Variants in LCORL observed in about 807,000 individuals in gnomAD.
The protein encoded by LCORL is ligand-dependent nuclear receptor corepressor-like protein.
In LCORL, 41 loss-of-function variants were observed where a neutral mutation model predicts 141.8. The ratio of observed to expected loss-of-function variants is 0.29; its 90% confidence interval spans 0.23 to 0.38. The LOEUF is 0.38. Ranked by LOEUF, LCORL falls within the 10% of genes least tolerant of loss-of-function variation. The probability of loss-of-function intolerance (pLI) is 1.00; values close to 1 mark genes in which losing one functional copy is unlikely to be tolerated. For synonymous variants in LCORL, 618 were observed against 694.1 expected (o/e 0.89, Z 1.72); for missense variants, 1,759 against 2,035.0 (o/e 0.86, Z 2.61).
At chr4:17,961,602 A>G (rs1713797635) in intron 4 of LCORL, among the ~76,000 whole-genome samples, 2 of 152,026 alleles carry the variant, frequency 1.3e-5, no homozygotes, top group African/African-American at 4.8e-5. Flanking sequence ...CAGCAATACA[A>G]TAAGGAAGAC....
At chr4:17,972,345 A>G (rs1384208567) in intron 2 of LCORL, among the ~76,000 whole-genome samples, 1 of 151,866 alleles carries the variant, frequency 6.6e-6, no homozygotes, top group Non-Finnish European at 1.5e-5. Context: ...CTTCCTTCCC[A>G]ATATTCACGT....
intron 5 of LCORL, among the ~76,000 whole-genome samples, chr4:17,891,496 T>A (rs1367114888): frequency 1.3e-5 from 2 of 152,138 alleles, no homozygotes; most frequent in Non-Finnish European, 2.9e-5. Context: ...TACAATTTTT[T>A]AAAAACACTA....
At chr4:17,910,963 C>A (rs564711030) in intron 4 of LCORL, among the ~76,000 whole-genome samples, 2 of 152,284 alleles carry the variant, frequency 1.3e-5, no homozygotes, top group African/African-American at 4.8e-5. Flanking sequence ...AAGAGGGACA[C>A]TATTCGTTTT....
Position 17,955,450 on chromosome 4 carries a change from T to TAG in LCORL, c.430+6451_430+6452dup, listed in dbSNP as rs546724630. Among the ~76,000 whole-genome samples, 25 of 152,324 alleles carry TAG rather than the reference T, an allele frequency of 1.6e-4. No individual in the cohort carries two copies. In the East Asian group the frequency reaches 4.8e-3, roughly 29 times the overall value. On this transcript the variant is annotated intron_variant, in intron 4 of 7. Coordinates refer to ENST00000635767, the Ensembl canonical transcript of LCORL. Reference sequence around the variant, plus strand: ...TTGTTACTAAACACCTACTGTGTGCTAGTTCTTGAAATATATTAGTTAACA... The same window carrying TAG: ...TTGTTACTAAACACCTACTGTGTGCTAGAGTTCTTGAAATATATTAGTTAACA...
chr4:17,883,969 G>A (rs1727944554), intron 6 of LCORL: 1 of 1,550,648 alleles, frequency 6.4e-7, no homozygotes, highest in South Asian at 1.2e-5. Context: ...GCCGATAGCG[G>A]CCACGTTTTT....
chr4:17,866,925 G>A, intron 7 of LCORL: 1 of 883,306 alleles, frequency 1.1e-6, no homozygotes, highest in African/African-American at 1.8e-5. Context: ...CATGGTGTGA[G>A]GCATTGAAAC....
chr4:17,953,280 T>C (rs1351289652), intron 4 of LCORL, among the ~76,000 whole-genome samples: 1 of 152,200 alleles, frequency 6.6e-6, no homozygotes, highest in Non-Finnish European at 1.5e-5. Context: ...GATTGCTTGG[T>C]TGAATGGTAG....
Position 17,909,205 on chromosome 4 carries a change from T to C in LCORL, c.571A>G (p.Ile191Val), listed in dbSNP as rs1321492437. Residue 191 changes from isoleucine (I) to valine (V), a missense_variant, in exon 5 of 8, where the codon ATA (isoleucine) becomes GTA (valine). Physicochemically the swap from Ile to Val is conservative, Grantham distance 29. Around this residue, in one of 5 missense-constraint regions of LCORL, gnomAD observed 1,311 missense variants for 1,531.3 expected, o/e 0.86. Transcript: ENST00000635767. ...TTCATTTGGATACTTTTACATACTA[T>C]ACTTGGTCCAATTGAACCATTTCTA... 2 of 1,613,560 alleles carry C rather than the reference T, an allele frequency of 1.2e-6. No individual in the cohort carries two copies. The highest frequency in any genetic ancestry group is 1.3e-5 in the African/African-American group (1 of 74,900).
intron 5 of LCORL, among the ~76,000 whole-genome samples, chr4:17,895,865 T>C (rs1375569639): frequency 6.6e-6 from 1 of 152,242 alleles, no homozygotes; most frequent in Non-Finnish European, 1.5e-5. Flanking sequence ...TCATGTAGCA[T>C]GCATCAGTAC....
At chr4:17,957,860 C>T (rs1712989453) in intron 4 of LCORL, among the ~76,000 whole-genome samples, 1 of 151,912 alleles carries the variant, frequency 6.6e-6, no homozygotes, top group Non-Finnish European at 1.5e-5. Flanking sequence ...ACCACGATGA[C>T]ATCACAAAGG....
rs955790951 is a variant in LCORL at position 17,975,464 on chromosome 4, C to T, written c.155-2579G>A. On this transcript the variant is annotated intron_variant, in intron 1 of 7. Transcript: ENST00000635767. ...AGGCTGGAGTGCAGTGGCGTGATCT[C>T]GGCTCATTGCAACCTCCACCTCCTG... is the stretch of plus-strand genomic sequence containing the variant. Among the ~76,000 whole-genome samples, 19 of 151,726 alleles carry T rather than the reference C, an allele frequency of 1.3e-4. No homozygotes were observed. The South Asian group carries it at 1.7e-3, about 13-fold the overall frequency.
At chr4:18,008,957 T>C (rs538788577) in intron 1 of LCORL, among the ~76,000 whole-genome samples, 33 of 152,268 alleles carry the variant, frequency 2.2e-4, no homozygotes, top group African/African-American at 7.0e-4. Context: ...GTCTACATAA[T>C]GACCCACCAC....
chr4:18,021,451 G>A lies in LCORL; in HGVS notation c.154+147C>T. Reference sequence around the variant, plus strand: ...CCGCAAGACAAAAGGCGAGCGCCGGGGCCGCCGCGCCGCGCCGCTCCCATC... The same window carrying A: ...CCGCAAGACAAAAGGCGAGCGCCGGAGCCGCCGCGCCGCGCCGCTCCCATC... On this transcript the variant is annotated intron_variant, in intron 1 of 7. Transcript: ENST00000635767. The surrounding 1 kb of genome is among the most constrained non-coding windows in gnomAD (Gnocchi z 5.5). 3.1e-6 allele frequency: 2 copies of A among 639,664 alleles called. No homozygotes were observed. Among genetic ancestry groups the A allele is most frequent in the Non-Finnish European group, 4.9e-6 (2 of 410,162 alleles). 39.6% of individuals were successfully genotyped at this position (639,664 alleles called of 1,614,324 possible). A position where few individuals can be genotyped will look rare whatever the true frequency, so the allele number is the denominator to read the frequency against.
At chr4:17,876,124 A>G (rs1484418979) in exon 7 of LCORL, 84 of 1,230,722 alleles carry the variant, frequency 6.8e-5, no homozygotes, top group Non-Finnish European at 8.4e-5. Context: ...GGACTAGAAT[A>G]GTTGGAAACA....
rs1288930412 is a variant in LCORL, at chr4:17,884,711, G to C, written c.776+1357C>G. 4.6e-6 allele frequency: 7 copies of C among 1,506,502 alleles called. No individual in the cohort carries two copies. Among genetic ancestry groups the C allele is most frequent in the Non-Finnish European group, 6.2e-6 (7 of 1,130,158 alleles). 93.3% of individuals were successfully genotyped at this position (1,506,502 alleles called of 1,614,324 possible). A position where few individuals can be genotyped will look rare whatever the true frequency, so the allele number is the denominator to read the frequency against. ...TGAGAGCAAACCATCTGCAAACTCA[G>C]CACTTCTTTCCACATAGTCCTCTCT... is the stretch of plus-strand genomic sequence containing the variant. On this transcript the variant is annotated intron_variant, in intron 6 of 7. Transcript: ENST00000635767. The surrounding 1 kb of genome is among the most constrained non-coding windows in gnomAD (Gnocchi z 4.4).
In LCORL at chr4:17,884,130, A is replaced by G. The variant is rs1032690313; in HGVS notation, c.776+1938T>C. Reference sequence around the variant, plus strand: ...ACACTTGAGTGAGTTACAGGCCCAGAACATTCTATTTTGTTCTGTTTAGGG... The same window carrying G: ...ACACTTGAGTGAGTTACAGGCCCAGGACATTCTATTTTGTTCTGTTTAGGG... On this transcript the variant is annotated intron_variant, in intron 6 of 7. Coordinates refer to ENST00000635767, the Ensembl canonical transcript of LCORL. The surrounding 1 kb of genome is among the most constrained non-coding windows in gnomAD (Gnocchi z 4.4). 2.6e-6 allele frequency: 4 copies of G among 1,550,630 alleles called. No homozygotes were observed. The African/African-American group carries it at 4.1e-5, about 16-fold the overall frequency.
rs1734713848 is a variant in LCORL at position 17,923,989 on chromosome 4, G to C, written c.431-14644C>G. Among the ~76,000 whole-genome samples, 3 of 151,862 alleles carry C rather than the reference G, an allele frequency of 2.0e-5. No homozygotes were observed. In the South Asian group the frequency reaches 6.2e-4, roughly 32 times the overall value. On this transcript the variant is annotated intron_variant, in intron 4 of 7. Coordinates refer to ENST00000635767, the Ensembl canonical transcript of LCORL. ...CCTAGTGGGCAGAACTTCGAGCAGT[G>C]CAACTCGTTGTGCACTTTTCTTTGA...
In LCORL at chr4:17,884,396, G is replaced by C; in HGVS notation, c.776+1672C>G. On this transcript the variant is annotated intron_variant, in intron 6 of 7. Coordinates refer to ENST00000635767, the Ensembl canonical transcript of LCORL. The surrounding 1 kb of genome is among the most constrained non-coding windows in gnomAD (Gnocchi z 4.4). ...AGTTAGCTGATGGAGGTAAGTGGAA[G>C]CTGTTGGGAATTTTATTTCTGAGGT... 6.5e-7 allele frequency: 1 copy of C among 1,549,008 alleles called. No homozygotes were observed. The highest frequency in any genetic ancestry group is 8.7e-7 in the Non-Finnish European group (1 of 1,145,916).
At chr4:18,004,748 A>G (rs1036292732) in intron 1 of LCORL, among the ~76,000 whole-genome samples, 3 of 152,182 alleles carry the variant, frequency 2.0e-5, no homozygotes, top group African/African-American at 4.8e-5. Context: ...CCACAGTCCC[A>G]CATCTCATCT....
Sources: gnomAD v4.1 joint callset for allele counts (sites outside exome capture counted in the v4.1 genomes callset) on GRCh38, gnomAD v4.1.1 for gene constraint, gnomAD v4.1.1 regional missense constraint, Gnocchi (gnomAD v3.1) non-coding constraint, MANE v1.5 for transcripts, NCBI Gene and HGNC (gene_info 2026-07-23, HGNC 2026-07-21) for gene names.